The following ZNF696 variants were observed in gnomAD, a reference collection of about 807,000 sequenced individuals.
ZNF696 encodes zinc finger protein 696.
In ZNF696, 10 loss-of-function variants were observed where a neutral mutation model predicts 12.3. The observed-to-expected ratio is 0.81, with a 90% CI of 0.50 to 1.38. The LOEUF (loss-of-function observed/expected upper bound fraction) is 1.38, where lower values mean the gene tolerates loss of function less well. Ranked by LOEUF, ZNF696 falls within the 40% of genes most tolerant of loss-of-function variation. The pLI, the probability that ZNF696 is intolerant of heterozygous loss-of-function variation, is 0.00. For synonymous variants in ZNF696, 304 were observed against 243.9 expected, an observed-to-expected ratio of 1.25 and a Z score of -2.29; for missense variants, 675 against 554.7, an observed-to-expected ratio of 1.22 and a Z score of -2.18.
rs748665746 is a variant in ZNF696, at chr8:143,296,129, C to A, written c.454C>A (p.Pro152Thr). ...CCGGAGCATCCACTCGGGGGAGAAA[C>A]CGTACGAGTGCAGCGACTGCGGGAA... ...KHRSIHSGEK[P>T]YECSDCGKAF... The change falls in exon 3 of 3, where the codon CCG becomes ACG. Residue 152 changes from proline to threonine, a missense_variant. Transcript: ENST00000330143. 1.1e-5 allele frequency: 18 copies of A among 1,609,962 alleles called. No individual in the cohort carries two copies. Among genetic ancestry groups the A allele is most frequent in the Non-Finnish European group, 1.5e-5 (18 of 1,178,782 alleles).
At chr8:143,292,768 C>A (rs1411872838) in intron 1 of ZNF696, among the ~76,000 whole-genome samples, 1 of 151,928 alleles carries the variant, frequency 6.6e-6, no homozygotes, top group Non-Finnish European at 1.5e-5. Flanking sequence ...CCTGGGCATC[C>A]CACAGAACAG....
Position 143,297,336 on chromosome 8 carries a change from G to C in ZNF696, c.*536G>C, listed in dbSNP as rs1815738982. On this transcript the variant is annotated 3_prime_UTR_variant, in exon 3 of 3. Transcript: ENST00000330143. ...TTTCACAGCCGGTTCATATGGTCCC[G>C]ACTTCTGTGTGCTTAGAAAATTATG... The C allele has an allele frequency of 6.5e-6, 1 of 152,928 alleles. No homozygotes were observed. The highest frequency in any genetic ancestry group is 2.4e-5 in the African/African-American group (1 of 41,474). 9.5% of individuals were successfully genotyped at this position (152,928 alleles called of 1,614,324 possible). A position where few individuals can be genotyped will look rare whatever the true frequency, so the allele number is the denominator to read the frequency against.
In ZNF696 at chr8:143,293,038, A is replaced by T; in HGVS notation, c.37A>T (p.Ser13Cys). The T allele has an allele frequency of 6.2e-7, 1 of 1,614,020 alleles. No homozygotes were observed. Among genetic ancestry groups the T allele is most frequent in the Non-Finnish European group, 8.5e-7 (1 of 1,180,006 alleles). ...PGGEPTGAKESSTLMESLAAV... is the reference protein window; with the variant it reads ...PGGEPTGAKECSTLMESLAAV... ...AGGAGAGCCCACAGGTGCTAAAGAG[A>T]GCAGTACCCTGATGGAGTCCCTTGC... is the stretch of plus-strand genomic sequence containing the variant. Residue 13 changes from serine (S) to cysteine (C), a missense_variant, in exon 2 of 3, where the codon AGC becomes TGC. Transcript: ENST00000330143.
rs373143641 is a variant in ZNF696, at chr8:143,295,929, G to C, written c.254G>C (p.Gly85Ala). 7.9e-5 allele frequency: 124 copies of C among 1,561,936 alleles called. No individual in the cohort carries two copies. The African/African-American group carries it at 1.6e-3, about 20-fold the overall frequency. Residue 85 changes from glycine to alanine, a missense_variant, in exon 3 of 3, where the codon GGT becomes GCT. Transcript: ENST00000330143. Reference sequence around the variant, plus strand: ...CAGGAAGCCAGAGAGAGGCCCGGAGGTTCCCCTCGAGGCCCGGTCACTTCT... The same window carrying C: ...CAGGAAGCCAGAGAGAGGCCCGGAGCTTCCCCTCGAGGCCCGGTCACTTCT... ...ENQEARERPG[G>A]SPRGPVTSEK...
Position 143,299,891 on chromosome 8 carries a change from G to A in ZNF696, c.*3091G>A, listed in dbSNP as rs1274011542. 6.6e-6 allele frequency among the ~76,000 whole-genome samples: 1 copy of A among 152,114 alleles called. No homozygotes were observed. Among genetic ancestry groups the A allele is most frequent in the Non-Finnish European group, 1.5e-5 (1 of 68,036 alleles). ...CTGAGCCTGGGAGCTCGAGACTGCA[G>A]TGAGCTGTAGTCATACCACTACACT... On this transcript the variant is annotated 3_prime_UTR_variant, in exon 3 of 3. Transcript: ENST00000330143.
Position 143,293,005 on chromosome 8 carries a change from G to A in ZNF696, c.4G>A (p.Glu2Lys), listed in dbSNP as rs1170635945. ...CCAACTGCTGGTGTTCTGCAAGATG[G>A]AGCCAGGAGGAGAGCCCACAGGTGC... M[E>K]PGGEPTGAKE... is the part of the protein sequence containing the mutation. The change falls in exon 2 of 3, where the codon GAG becomes AAG. Residue 2 changes from glutamate (E) to lysine (K), a missense_variant. Transcript: ENST00000330143. 1 of 1,613,926 alleles carries A rather than the reference G, an allele frequency of 6.2e-7. No individual in the cohort carries two copies. The highest frequency in any genetic ancestry group is 8.5e-7 in the Non-Finnish European group (1 of 1,179,970).
intron 1 of ZNF696, among the ~76,000 whole-genome samples, 184 bp from the exon 2 acceptor site, chr8:143,292,788 T>C (rs1456106114): frequency 2.0e-5 from 3 of 151,996 alleles, no homozygotes; most frequent in Non-Finnish European, 1.5e-5. Flanking sequence ...GAACACCCGC[T>C]TCTGGGAGTG....
intron 1 of ZNF696, 54 bp downstream of exon 1, chr8:143,291,821 C>T (rs1328199860): frequency 2.0e-6 from 2 of 983,684 alleles, no homozygotes; most frequent in South Asian, 9.4e-5. Context: ...CTTTAAATTA[C>T]CTTTTTGTAA....
Position 143,296,112 on chromosome 8 carries a change from T to G in ZNF696, c.437T>G (p.Ile146Ser), listed in dbSNP as rs1260225101. 3 of 1,608,730 alleles carry G rather than the reference T, an allele frequency of 1.9e-6. No homozygotes were observed. Among genetic ancestry groups the G allele is most frequent in the Middle Eastern group, 3.3e-4 (2 of 6,054 alleles). ...TCGGACGCGGCAAAGCACCGGAGCA[T>G]CCACTCGGGGGAGAAACCGTACGAG... ...CSSDAAKHRS[I>S]HSGEKPYECS... The change falls in exon 3 of 3, where the codon ATC becomes AGC. Residue 146 changes from isoleucine (I) to serine (S), a missense_variant. Transcript: ENST00000330143.
In ZNF696 at chr8:143,299,166, AT is replaced by A. The variant is rs1815764202; in HGVS notation, c.*2367del. 6.6e-6 allele frequency among the ~76,000 whole-genome samples: 1 copy of A among 152,126 alleles called. No individual in the cohort carries two copies. On this transcript the variant is annotated 3_prime_UTR_variant, in exon 3 of 3. Transcript: ENST00000330143. ...AAGAGCAAAACTCCATCTTAAAAAA[AT>A]AAATAAATAAAGGAAAATGAGCCGA...
In ZNF696 at chr8:143,296,859, G is replaced by T. The variant is rs962666231; in HGVS notation, c.*59G>T. The T allele has an allele frequency of 3.7e-6, 5 of 1,343,714 alleles. No homozygotes were observed. The South Asian group carries it at 8.6e-5, about 23-fold the overall frequency. The allele number at this position is 1,343,714 out of a possible 1,614,324, so 83.2% of individuals were successfully genotyped here. ...TGGTGGGCGCGAGGCCGAGGCCGGG[G>T]GAGGCTCCTGTCCGCCCCGTGCGCG... is the stretch of plus-strand genomic sequence containing the variant. On this transcript the variant is annotated 3_prime_UTR_variant, in exon 3 of 3. Coordinates refer to ENST00000330143, the MANE Select transcript of ZNF696 (RefSeq NM_030895.3).
In ZNF696 at chr8:143,296,318, G is replaced by A. The variant is rs1474973357; in HGVS notation, c.643G>A (p.Gly215Ser). The change falls in exon 3 of 3, where the codon GGC (glycine) becomes AGC (serine). Residue 215 changes from glycine to serine, a missense_variant. Physicochemically the swap from Gly to Ser is moderately conservative, Grantham distance 56. Coordinates refer to ENST00000330143, the MANE Select transcript of ZNF696 (RefSeq NM_030895.3). ...GAAGCCCTACGCGTGCGCCGACTGC[G>A]GCAAGGCCTTCGGCCAGAGGTCGGA... ...GEKPYACADC[G>S]KAFGQRSDAA... 2 of 1,597,828 alleles carry A rather than the reference G, an allele frequency of 1.3e-6. No individual in the cohort carries two copies. Among genetic ancestry groups the A allele is most frequent in the East Asian group, 2.2e-5 (1 of 44,582 alleles).
rs954791263 is a variant in ZNF696, at chr8:143,298,218, T to A, written c.*1418T>A. Among the ~76,000 whole-genome samples the A allele has an allele frequency of 6.6e-6, 1 of 152,098 alleles. No homozygotes were observed. The highest frequency in any genetic ancestry group is 2.4e-5 in the African/African-American group (1 of 41,414). ...AGTTCTCTGCCCAGGTAAGGACTAA[T>A]TGGGAAGAATTCTGGGTCCTGAGCT... On this transcript the variant is annotated 3_prime_UTR_variant, in exon 3 of 3. Coordinates refer to ENST00000330143, the MANE Select transcript of ZNF696 (RefSeq NM_030895.3).
At chr8:143,293,311 G>T (rs1815655891) in intron 2 of ZNF696, 4 of 575,802 alleles carry the variant, frequency 6.9e-6, no homozygotes, top group African/African-American at 3.7e-5. Context: ...CCTCTGGGAA[G>T]GTCTCTCTCT....
In ZNF696 at chr8:143,295,469, A is replaced by G. The variant is rs1229994934; in HGVS notation, c.65-271A>G. ...TCAGCCTCTGAAAGTGCGGAGATAC[A>G]GGTGTGAGTCACCACATCCGGCCCC... On this transcript the variant is annotated intron_variant, in intron 2 of 2. Coordinates refer to ENST00000330143, the MANE Select transcript of ZNF696 (RefSeq NM_030895.3). 3 of 675,014 alleles carry G rather than the reference A, an allele frequency of 4.4e-6. No homozygotes were observed. In the East Asian group the frequency reaches 8.6e-5, roughly 19 times the overall value. The allele number at this position is 675,014 out of a possible 1,614,324, so 41.8% of individuals were successfully genotyped here. A position where few individuals can be genotyped will look rare whatever the true frequency, so the allele number is the denominator to read the frequency against.
chr8:143,293,236 T>A, intron 2 of ZNF696, 171 bp downstream of exon 2: 1 of 612,764 alleles, frequency 1.6e-6, no homozygotes, highest in South Asian at 2.0e-5. Flanking sequence ...GGCATCTGTT[T>A]GGTGACTGTC....
chr8:143,296,157 C>T lies in ZNF696; in HGVS notation c.482C>T (p.Ala161Val). Residue 161 changes from alanine (A) to valine (V), a missense_variant, in exon 3 of 3, where the codon GCC becomes GTC. Physicochemically the swap from Ala to Val is moderately conservative, Grantham distance 64. Transcript: ENST00000330143. The stretch of plus-strand genomic sequence containing the variant: ...TACGAGTGCAGCGACTGCGGGAAGG[C>T]CTTCATCCACAGCTCGCACGTGGTC... ...KPYECSDCGKAFIHSSHVVRH... is the reference protein window; with the variant it reads ...KPYECSDCGKVFIHSSHVVRH... 1.2e-6 allele frequency: 2 copies of T among 1,608,820 alleles called. No individual in the cohort carries two copies. The highest frequency in any genetic ancestry group is 1.1e-5 in the South Asian group (1 of 90,842).
In ZNF696 at chr8:143,296,696, C is replaced by T. The variant is rs1464302755; in HGVS notation, c.1021C>T (p.Arg341Ter). The change falls in exon 3 of 3, where the codon CGA (arginine) becomes TGA (stop). Residue 341 changes from arginine to a stop codon, truncating the protein, a stop_gained. Coordinates refer to ENST00000330143, the MANE Select transcript of ZNF696 (RefSeq NM_030895.3). LOFTEE classifies it high-confidence loss of function. ...GCTGTCGGGCTTCTTCCGGCACCAG[C>T]GACTCCACACGGGCGAGAAGCCGTT... is the stretch of plus-strand genomic sequence containing the variant. Reference protein sequence around the residue: ...RALSGFFRHQRLHTGEKPFRC... With the variant: ...RALSGFFRHQ 1 of 1,565,082 alleles carries T rather than the reference C, an allele frequency of 6.4e-7. No homozygotes were observed. Among genetic ancestry groups the T allele is most frequent in the Non-Finnish European group, 8.6e-7 (1 of 1,163,140 alleles).
At position 143,291,757 on chromosome 8, in the gene ZNF696, A is replaced by G. The variant is rs1815629420; in HGVS notation, c.-41A>G. ...CTGTGAACAGGAGGGCCTGTTCCCT[A>G]ATTCTTGCCGGTAAGGTACTTGCAA... On this transcript the variant is annotated 5_prime_UTR_variant, in exon 1 of 3. Transcript: ENST00000330143. The G allele has an allele frequency of 2.0e-6, 2 of 985,458 alleles. No individual in the cohort carries two copies. Among genetic ancestry groups the G allele is most frequent in the South Asian group, 4.7e-5 (1 of 21,292 alleles). 61.0% of individuals were successfully genotyped at this position (985,458 alleles called of 1,614,324 possible). A position where few individuals can be genotyped will look rare whatever the true frequency, so the allele number is the denominator to read the frequency against.
Sources: allele counts gnomAD v4.1 joint callset (sites outside exome capture counted in the v4.1 genomes callset), GRCh38; gene constraint gnomAD v4.1.1; transcripts MANE v1.5; gene names NCBI Gene and HGNC (gene_info 2026-07-23, HGNC 2026-07-21).